Variants in PRMT3 observed in about 807,000 individuals in gnomAD.
The protein encoded by PRMT3 is protein arginine N-methyltransferase 3.
In PRMT3, 62 loss-of-function variants were observed where a neutral mutation model predicts 71.9. The observed-to-expected ratio is 0.86, with a 90% CI of 0.70 to 1.07. The LOEUF (loss-of-function observed/expected upper bound fraction) is 1.07. PRMT3 is among the 50% of genes least tolerant of loss of function. The pLI, the probability that PRMT3 is intolerant of heterozygous loss-of-function variation, is 0.00. For synonymous variants in PRMT3, 213 were observed against 220.4 expected, an observed-to-expected ratio of 0.97 and a Z score of 0.30; for missense variants, 663 against 643.0, an observed-to-expected ratio of 1.03 and a Z score of -0.34.
At chr11:20,422,515 A>G (rs1849449872) in intron 9 of PRMT3, among the ~76,000 whole-genome samples, 2 of 152,170 alleles carry the variant, frequency 1.3e-5, no homozygotes, top group Admixed American at 6.5e-5. Context: ...GAAACTAGTA[A>G]CAGCCAGAGA....
intron 9 of PRMT3, among the ~76,000 whole-genome samples, chr11:20,414,681 G>A (rs1849263691): frequency 6.6e-6 from 1 of 152,080 alleles, no homozygotes; most frequent in Non-Finnish European, 1.5e-5. Flanking sequence ...AGATGTTACT[G>A]CAGAAGAGTT....
At position 20,464,603 on chromosome 11, in the gene PRMT3, G is replaced by A; in HGVS notation, c.1347+57G>A. The A allele has an allele frequency of 3.1e-6, 5 of 1,592,566 alleles. No homozygotes were observed. In the South Asian group the frequency reaches 5.7e-5, roughly 18 times the overall value. On this transcript the variant is annotated intron_variant, in intron 13 of 15. Coordinates refer to ENST00000331079, the MANE Select transcript of PRMT3 (RefSeq NM_005788.4). ...CACTAGCAGTGCAGTTGATTGGCAG[G>A]CTAATGAGTTTAATTACCAGGCTTG...
chr11:20,467,119 G>C (rs573306296), intron 13 of PRMT3, among the ~76,000 whole-genome samples: 1 of 152,240 alleles, frequency 6.6e-6, no homozygotes, highest in East Asian at 1.9e-4. Flanking sequence ...CAGGAAGAAT[G>C]TATTGTTACA....
At position 20,389,942 on chromosome 11, in the gene PRMT3, G is replaced by A. The variant is rs375712481; in HGVS notation, c.247+116G>A. The A allele has an allele frequency of 5.5e-4, 390 of 711,964 alleles. 1 individual carries two copies. Among genetic ancestry groups the A allele is most frequent in the Non-Finnish European group, 7.1e-4 (298 of 421,354 alleles). The allele number at this position is 711,964 out of a possible 1,614,324, so 44.1% of individuals were successfully genotyped here. A position where few individuals can be genotyped will look rare whatever the true frequency, so the allele number is the denominator to read the frequency against. The stretch of plus-strand genomic sequence containing the variant: ...TGAGGTGGGTGGATCACTTTAGGTC[G>A]GGAGTTCAAGACCAGCCTGGCCAAC... On this transcript the variant is annotated intron_variant, in intron 3 of 15. Transcript: ENST00000331079.
intron 13 of PRMT3, among the ~76,000 whole-genome samples, chr11:20,486,169 C>A (rs928931475): frequency 6.6e-6 from 1 of 152,058 alleles, no homozygotes; most frequent in Non-Finnish European, 1.5e-5. Context: ...TAGACACAGA[C>A]TGGGCAAGAA....
In PRMT3 at chr11:20,392,884, A is replaced by G. The variant is rs753188368; in HGVS notation, c.298-13A>G. On this transcript the variant is annotated splice_polypyrimidine_tract_variant and intron_variant, in intron 4 of 15. Coordinates refer to ENST00000331079, the MANE Select transcript of PRMT3 (RefSeq NM_005788.4). ...ATGTAATGAAAAAAACATGAGATTAATTTTATATCCAGAATCCTACAGTTG... is the reference window on the plus strand; with the variant it reads ...ATGTAATGAAAAAAACATGAGATTAGTTTTATATCCAGAATCCTACAGTTG... 40 of 1,499,814 alleles carry G rather than the reference A, an allele frequency of 2.7e-5. No individual in the cohort carries two copies. The African/African-American group carries it at 5.0e-4, about 19-fold the overall frequency. The allele number at this position is 1,499,814 out of a possible 1,614,324, so 92.9% of individuals were successfully genotyped here.
chr11:20,471,179 T>C (rs1017826768), intron 13 of PRMT3, among the ~76,000 whole-genome samples: 1 of 152,230 alleles, frequency 6.6e-6, no homozygotes, highest in Non-Finnish European at 1.5e-5. Flanking sequence ...CTGTTCATTC[T>C]GATGATAGTT....
intron 7 of PRMT3, 60 bp from the exon 8 acceptor site, chr11:20,402,859 T>C: frequency 7.3e-7 from 1 of 1,375,154 alleles, no homozygotes; most frequent in South Asian, 1.2e-5. Context: ...ATATCTCCCT[T>C]AAAAAATTTA....
At chr11:20,486,595 T>A (rs1358868469) in intron 13 of PRMT3, among the ~76,000 whole-genome samples, 2 of 152,032 alleles carry the variant, frequency 1.3e-5, no homozygotes, top group African/African-American at 4.8e-5. Flanking sequence ...TGCCCTGTAT[T>A]AGCCAGGTGC....
In PRMT3 at chr11:20,407,996, A is replaced by G. The variant is rs757368857; in HGVS notation, c.857A>G (p.Gln286Arg). 1.4e-5 allele frequency: 22 copies of G among 1,594,468 alleles called. 1 individual carries two copies. The highest frequency in any genetic ancestry group is 1.9e-5 in the Non-Finnish European group (22 of 1,162,650). ...GCGAAGAAGGTTCTTGGAGTTGATC[A>G]ATCTGAAATACTTTACCAGGCAATG... The part of the protein sequence containing the change: ...AGAKKVLGVD[Q>R]SEILYQAMDI... The change falls in exon 9 of 16, where the codon CAA (glutamine) becomes CGA (arginine). Residue 286 changes from glutamine to arginine, a missense_variant. Gln to Arg is a conservative substitution (Grantham distance 43, BLOSUM62 1). Coordinates refer to ENST00000331079, the MANE Select transcript of PRMT3 (RefSeq NM_005788.4).
chr11:20,436,093 T>C (rs1369294296), intron 10 of PRMT3, among the ~76,000 whole-genome samples: 1 of 152,240 alleles, frequency 6.6e-6, no homozygotes, highest in Non-Finnish European at 1.5e-5. Context: ...ATAAATGGGA[T>C]TGCTTTCTTG....
chr11:20,418,397 A>T (rs1338083726), intron 9 of PRMT3, among the ~76,000 whole-genome samples: 1 of 152,190 alleles, frequency 6.6e-6, no homozygotes, highest in Non-Finnish European at 1.5e-5. Flanking sequence ...TGTGTCAGTG[A>T]TATCTGTTTT....
At chr11:20,463,942 T>A (rs138931566) in intron 12 of PRMT3, among the ~76,000 whole-genome samples, 1 of 152,360 alleles carries the variant, frequency 6.6e-6, no homozygotes, top group East Asian at 1.9e-4. Context: ...GTGTGGTTTC[T>A]CCTCATATCT....
chr11:20,479,276 C>A (rs879517559), intron 13 of PRMT3, among the ~76,000 whole-genome samples: 1 of 152,064 alleles, frequency 6.6e-6, no homozygotes, highest in Non-Finnish European at 1.5e-5. Context: ...TCTCAGGAAA[C>A]GTTCTTTGAG....
At chr11:20,407,629 G>C (rs1283297538) in intron 8 of PRMT3, 1 of 217,304 alleles carries the variant, frequency 4.6e-6, no homozygotes, top group Admixed American at 5.2e-5. Flanking sequence ...TATTTCTTCA[G>C]TGGATATCAG....
Position 20,387,739 on chromosome 11 carries a change from C to G in PRMT3, c.-8C>G. Reference sequence around the variant, plus strand: ...CCAGACACGCCGGGCTCTCGGGGCACCACAGCCATGTGCTCGTTAGCGTCA... The same window carrying G: ...CCAGACACGCCGGGCTCTCGGGGCAGCACAGCCATGTGCTCGTTAGCGTCA... On this transcript the variant is annotated 5_prime_UTR_variant, in exon 1 of 16. Transcript: ENST00000331079. The surrounding 1 kb of genome is among the most constrained non-coding windows in gnomAD (Gnocchi z 4.3). 1 of 1,539,018 alleles carries G rather than the reference C, an allele frequency of 6.5e-7. No individual in the cohort carries two copies. The highest frequency in any genetic ancestry group is 8.7e-7 in the Non-Finnish European group (1 of 1,145,362).
chr11:20,398,030 A>C (rs866479273), intron 7 of PRMT3, among the ~76,000 whole-genome samples: 30 of 151,606 alleles, frequency 2.0e-4, no homozygotes, highest in African/African-American at 6.8e-4. Flanking sequence ...AAAAAAAAAA[A>C]AAAGATTACA....
At chr11:20,389,885 C>G in intron 3 of PRMT3, 59 bp downstream of exon 3, 1 of 1,260,376 alleles carries the variant, frequency 7.9e-7, no homozygotes. Context: ...GGCATGGCAG[C>G]TCACACCTGT....
At chr11:20,490,669 A>T (rs1199100147) in intron 13 of PRMT3, among the ~76,000 whole-genome samples, 1 of 152,220 alleles carries the variant, frequency 6.6e-6, no homozygotes, top group Non-Finnish European at 1.5e-5. Context: ...ATTCTGATTA[A>T]AAAAAGACTG....
Sources: allele counts gnomAD v4.1 joint callset (sites outside exome capture counted in the v4.1 genomes callset), GRCh38; gene constraint gnomAD v4.1.1; non-coding constraint Gnocchi (gnomAD v3.1); transcripts MANE v1.5; gene names NCBI Gene and HGNC (gene_info 2026-07-23, HGNC 2026-07-21).